Variants in SYCP1 observed in about 807,000 individuals in gnomAD.
SYCP1 encodes cancer/testis antigen 8.
SYCP1 carries 64 observed loss-of-function variants against 153.1 expected under a neutral mutation model. The observed-to-expected ratio is 0.42, with a 90% CI of 0.34 to 0.51. The LOEUF (loss-of-function observed/expected upper bound fraction) is 0.51, where lower values mean the gene tolerates loss of function less well. Ranked by LOEUF, SYCP1 falls within the 20% of genes least tolerant of loss-of-function variation. The probability of loss-of-function intolerance (pLI) is 0.06; values close to 1 mark genes in which losing one functional copy is unlikely to be tolerated. For missense variants in SYCP1, 997 were observed against 1,049.0 expected (o/e 0.95, Z 0.68); for synonymous variants, 384 against 341.8 (o/e 1.12, Z -1.36).
intron 23 of SYCP1, among the ~76,000 whole-genome samples, chr1:114,936,321 A>T (rs1488300523): frequency 6.6e-6 from 1 of 152,206 alleles, no homozygotes; most frequent in Admixed American, 6.5e-5. Context: ...ATCTCAATAG[A>T]TGCAGAAAAG....
Position 114,984,719 on chromosome 1 carries a change from G to T in SYCP1, c.2560-6G>T, listed in dbSNP as rs1418618558. The T allele has an allele frequency of 7.3e-7, 1 of 1,363,248 alleles. No homozygotes were observed. The highest frequency in any genetic ancestry group is 9.5e-7 in the Non-Finnish European group (1 of 1,051,362). 84.4% of individuals were successfully genotyped at this position (1,363,248 alleles called of 1,614,324 possible). A position where few individuals can be genotyped will look rare whatever the true frequency, so the allele number is the denominator to read the frequency against. ...TGATAATGTATGGTTTTTTATTTTT[G>T]GATAGGCATATACAGTGAAGACACC... On this transcript the variant is annotated splice_region_variant and splice_polypyrimidine_tract_variant and intron_variant, in intron 29 of 31. Coordinates refer to ENST00000369522, the MANE Select transcript of SYCP1 (RefSeq NM_003176.4).
At chr1:114,992,360 T>C in intron 30 of SYCP1, among the ~76,000 whole-genome samples, 1 of 151,638 alleles carries the variant, frequency 6.6e-6, no homozygotes, top group East Asian at 1.9e-4. Flanking sequence ...AAAATAAGGA[T>C]AGAGTTGGAG....
chr1:114,865,209 G>T (rs1426391951), intron 8 of SYCP1, among the ~76,000 whole-genome samples: 1 of 151,270 alleles, frequency 6.6e-6, no homozygotes, highest in Admixed American at 6.6e-5. Flanking sequence ...ATACCCTGGG[G>T]TCCATTTCTG....
Position 114,977,510 on chromosome 1 carries a change from T to A in SYCP1, c.2323-47T>A, listed in dbSNP as rs201559768. 1.7e-4 allele frequency: 193 copies of A among 1,119,714 alleles called. No homozygotes were observed. The African/African-American group carries it at 2.9e-3, about 17-fold the overall frequency. The allele number at this position is 1,119,714 out of a possible 1,614,324, so 69.4% of individuals were successfully genotyped here. A position where few individuals can be genotyped will look rare whatever the true frequency, so the allele number is the denominator to read the frequency against. ...AGATTTTGATAATATTCATTTGTGATCATTGTGATGTTTATGTTACTTGTA... is the reference window on the plus strand; with the variant it reads ...AGATTTTGATAATATTCATTTGTGAACATTGTGATGTTTATGTTACTTGTA... On this transcript the variant is annotated intron_variant, in intron 27 of 31. Coordinates refer to ENST00000369522, the MANE Select transcript of SYCP1 (RefSeq NM_003176.4).
chr1:114,981,261 G>T lies in SYCP1; in HGVS notation c.2383-75G>T, dbSNP rs1034426649. 5 of 1,178,712 alleles carry T rather than the reference G, an allele frequency of 4.2e-6. No individual in the cohort carries two copies. In the African/African-American group the frequency reaches 6.3e-5, roughly 15 times the overall value. 73.0% of individuals were successfully genotyped at this position (1,178,712 alleles called of 1,614,324 possible). ...TTTGTTGTGAATTCTACTAGTTGCT[G>T]CACTTTAATTAAAGAAATAAATAAT... On this transcript the variant is annotated intron_variant, in intron 28 of 31. Coordinates refer to ENST00000369522, the MANE Select transcript of SYCP1 (RefSeq NM_003176.4).
At chr1:114,936,631 C>T (rs899258400) in intron 23 of SYCP1, among the ~76,000 whole-genome samples, 1 of 152,190 alleles carries the variant, frequency 6.6e-6, no homozygotes, top group African/African-American at 2.4e-5. Flanking sequence ...TTGCAGATGA[C>T]ATGATTGTAT....
At chr1:114,880,003 T>A (rs1665809170) in intron 12 of SYCP1, among the ~76,000 whole-genome samples, 1 of 152,238 alleles carries the variant, frequency 6.6e-6, no homozygotes. Flanking sequence ...ATTTTTCACC[T>A]CTTAAATATA....
intron 20 of SYCP1, among the ~76,000 whole-genome samples, chr1:114,923,011 C>T (rs1557803033): frequency 6.6e-6 from 1 of 152,234 alleles, no homozygotes; most frequent in Non-Finnish European, 1.5e-5. Flanking sequence ...TCTCCTTTGA[C>T]TCTATATACC....
At chr1:114,915,319 T>C (rs1476439403) in intron 20 of SYCP1, among the ~76,000 whole-genome samples, 1 of 152,120 alleles carries the variant, frequency 6.6e-6, no homozygotes, top group African/African-American at 2.4e-5. Flanking sequence ...AGACAGAAGA[T>C]CAAGTTACAC....
chr1:114,942,557 C>T (rs1330995513), intron 23 of SYCP1, among the ~76,000 whole-genome samples: 1 of 151,862 alleles, frequency 6.6e-6, no homozygotes, highest in Non-Finnish European at 1.5e-5. Flanking sequence ...GAAAAAGATA[C>T]AGGGGTACAT....
intron 30 of SYCP1, 46 bp from the exon 31 acceptor site, chr1:114,994,652 T>G (rs1179900777): frequency 7.3e-7 from 1 of 1,378,416 alleles, no homozygotes. Flanking sequence ...TAATATAATA[T>G]TAATGATGGT....
In SYCP1 at chr1:114,994,901, C is replaced by T; in HGVS notation, c.2813C>T (p.Thr938Ile). 6.2e-7 allele frequency: 1 copy of T among 1,603,964 alleles called. No individual in the cohort carries two copies. Among genetic ancestry groups the T allele is most frequent in the Non-Finnish European group, 8.5e-7 (1 of 1,175,304 alleles). ...TPKKAPSSLT[T>I]PGSTLKFGAI... ...ACTCAGGCCCCTTCATCTCTAACAA[C>T]CCCTGGATCTACACTGAAGTTTGGA... is the stretch of plus-strand genomic sequence containing the variant. The change falls in exon 32 of 32, where the codon ACC becomes ATC. Residue 938 changes from threonine to isoleucine, a missense_variant. By Grantham distance (89) the Thr-to-Ile change is moderately conservative (BLOSUM62 -1). Transcript: ENST00000369522.
chr1:114,975,522 G>C (rs1038294744), intron 27 of SYCP1, among the ~76,000 whole-genome samples: 1 of 151,576 alleles, frequency 6.6e-6, no homozygotes, highest in Non-Finnish European at 1.5e-5. Context: ...TGATAAAAAT[G>C]TATATTCTAT....
intron 27 of SYCP1, among the ~76,000 whole-genome samples, chr1:114,971,411 C>T (rs1672481989): frequency 6.6e-6 from 1 of 152,080 alleles, no homozygotes; most frequent in South Asian, 2.1e-4. Flanking sequence ...ACAGGCCTCA[C>T]CCAGCTCCCA....
intron 23 of SYCP1, among the ~76,000 whole-genome samples, chr1:114,942,216 T>C (rs192279770): frequency 3.9e-5 from 6 of 151,916 alleles, no homozygotes; most frequent in Admixed American, 2.6e-4. Context: ...CAAACAACAA[T>C]AGAAGTCAGA....
chr1:114,933,268 G>A (rs1669761073), intron 23 of SYCP1, among the ~76,000 whole-genome samples: 1 of 152,180 alleles, frequency 6.6e-6, no homozygotes, highest in Non-Finnish European at 1.5e-5. Context: ...CTCCGCTGGT[G>A]ATACCCAGGC....
intron 20 of SYCP1, among the ~76,000 whole-genome samples, chr1:114,919,190 G>A (rs998843438): frequency 6.6e-6 from 1 of 151,864 alleles, no homozygotes; most frequent in Non-Finnish European, 1.5e-5. Context: ...TCCGTACCCC[G>A]TTTTTTGAGG....
chr1:114,946,368 T>G lies in SYCP1; in HGVS notation c.2234T>G (p.Leu745Arg). The G allele has an allele frequency of 3.8e-6, 6 of 1,585,340 alleles. No individual in the cohort carries two copies. Among genetic ancestry groups the G allele is most frequent in the Non-Finnish European group, 5.1e-6 (6 of 1,168,666 alleles). The change falls in exon 26 of 32, where the codon CTG becomes CGG. Residue 745 changes from leucine to arginine, a missense_variant. Around this residue, in one of 2 missense-constraint regions of SYCP1, gnomAD observed 712 missense variants for 682.9 expected, o/e 1.04. Coordinates refer to ENST00000369522, the MANE Select transcript of SYCP1 (RefSeq NM_003176.4). ...YKSKEQEQSS[L>R]RASLEIELSN... ...AGCAAAGAACAAGAACAGTCATCACTGAGAGCATCTTTGGTGAGATACAGA... is the reference window on the plus strand; with the variant it reads ...AGCAAAGAACAAGAACAGTCATCACGGAGAGCATCTTTGGTGAGATACAGA...
At chr1:114,983,424 G>C (rs540419403) in intron 29 of SYCP1, among the ~76,000 whole-genome samples, 1 of 152,046 alleles carries the variant, frequency 6.6e-6, no homozygotes, top group South Asian at 2.1e-4. Flanking sequence ...CACACACCAA[G>C]GAGAAGGCAT....
Sources: gnomAD v4.1 joint callset for allele counts (sites outside exome capture counted in the v4.1 genomes callset) on GRCh38, gnomAD v4.1.1 for gene constraint, gnomAD v4.1.1 regional missense constraint, MANE v1.5 for transcripts, NCBI Gene and HGNC (gene_info 2026-07-23, HGNC 2026-07-21) for gene names.